The following CUL2 variants were observed in gnomAD, a reference collection of about 807,000 sequenced individuals.
CUL2 encodes cullin-2.
CUL2 carries 22 observed loss-of-function variants against 110.2 expected under a neutral mutation model. The observed-to-expected ratio is 0.20, with a 90% CI of 0.14 to 0.28. The LOEUF (loss-of-function observed/expected upper bound fraction) is 0.28. Ranked by LOEUF, CUL2 falls within the 10% of genes least tolerant of loss-of-function variation. The pLI is 1.00. For missense variants in CUL2, 631 were observed against 905.5 expected, an observed-to-expected ratio of 0.70 and a Z score of 3.89; for synonymous variants, 279 against 293.2, an observed-to-expected ratio of 0.95 and a Z score of 0.49.
At chr10:35,041,390 A>C (rs1299121118) in intron 8 of CUL2, among the ~76,000 whole-genome samples, 2 of 152,124 alleles carry the variant, frequency 1.3e-5, no homozygotes, top group East Asian at 1.9e-4. Flanking sequence ...CCCCTGGGGG[A>C]AAGAAAGGCC....
intron 17 of CUL2, among the ~76,000 whole-genome samples, chr10:35,020,498 C>T (rs2085155375): frequency 6.6e-6 from 1 of 152,198 alleles, no homozygotes; most frequent in Non-Finnish European, 1.5e-5. Context: ...TATGGTGTTA[C>T]TTTTATTCTG....
intron 6 of CUL2, among the ~76,000 whole-genome samples, chr10:35,049,223 C>T (rs374665089): frequency 1.9e-4 from 29 of 152,094 alleles, no homozygotes; most frequent in South Asian, 1.7e-3. Context: ...AACCATTTTC[C>T]CATAAATTTA....
chr10:35,093,246 A>G (rs1169864600), upstream of CUL2, among the ~76,000 whole-genome samples: 2 of 151,800 alleles, frequency 1.3e-5, no homozygotes, highest in African/African-American at 2.4e-5. Context: ...CAGTTCTCCT[A>G]TGTGACTGGC....
intron 2 of CUL2, among the ~76,000 whole-genome samples, chr10:35,070,230 G>A (rs2086644004): frequency 6.6e-6 from 1 of 152,142 alleles, no homozygotes; most frequent in Admixed American, 6.5e-5. Context: ...CTTCCAAAAT[G>A]TCATCACCCT....
At chr10:35,093,014 T>C (rs1025158370), upstream of CUL2, among the ~76,000 whole-genome samples, 3 of 152,126 alleles carry the variant, frequency 2.0e-5, no homozygotes, top group Non-Finnish European at 4.4e-5. Flanking sequence ...CTTTTTGAGA[T>C]ATTTTTCAGA....
intron 1 of CUL2, among the ~76,000 whole-genome samples, chr10:35,121,848 G>A (rs1014691724): frequency 1.3e-5 from 2 of 151,278 alleles, no homozygotes; most frequent in South Asian, 2.1e-4. Context: ...TTAGTTTAAC[G>A]ACTGCAATCT....
At chr10:35,041,663 A>G (rs2085792247) in intron 8 of CUL2, among the ~76,000 whole-genome samples, 1 of 152,118 alleles carries the variant, frequency 6.6e-6, no homozygotes, top group African/African-American at 2.4e-5. Context: ...TCAGCGTCCC[A>G]AGAGCTATGA....
intron 1 of CUL2, chr10:35,074,015 GC>G: frequency 1.4e-6 from 1 of 712,768 alleles, no homozygotes. Flanking sequence ...CCGTGCTGCG[GC>G]CGGTGCTCTA....
At chr10:35,030,822 G>GGATCGCC (rs11283661) in intron 14 of CUL2, among the ~76,000 whole-genome samples, 1 of 151,686 alleles carries the variant, frequency 6.6e-6, no homozygotes, top group Non-Finnish European at 1.5e-5. Context: ...GAGCCCAGGA[G>GGATCGCC]TTAGAGTCCA....
intron 9 of CUL2, among the ~76,000 whole-genome samples, chr10:35,035,688 CAACT>C (rs2085604152): frequency 6.6e-6 from 1 of 152,164 alleles, no homozygotes; most frequent in Admixed American, 6.5e-5. Flanking sequence ...AATTTCTTAA[CAACT>C]GATGGAAATT....
rs1046780722 is a variant in CUL2, at chr10:35,009,183, G to GATATATATATATATATATTATAT, written c.*1105_*1127dup. 8.5e-6 allele frequency: 1 copy of GATATATATATATATATATTATAT among 117,044 alleles called. No homozygotes were observed. The highest frequency in any genetic ancestry group is 3.1e-5 in the African/African-American group (1 of 32,612). 7.3% of individuals were successfully genotyped at this position (117,044 alleles called of 1,614,324 possible). On this transcript the variant is annotated 3_prime_UTR_variant, in exon 21 of 21. Coordinates refer to ENST00000374749, the MANE Select transcript of CUL2 (RefSeq NM_003591.4). ...GCAGTACTCTTAACACTGCTGTTGA[G>GATATATATATATATATATTATAT]ATATATATATATATATATTATATAT...
chr10:35,011,876 A>G lies in CUL2; in HGVS notation c.2078T>C (p.Val693Ala), dbSNP rs771239317. Residue 693 changes from valine to alanine, a missense_variant, in exon 20 of 21, where the codon GTG becomes GCG. Val to Ala is a moderately conservative substitution (Grantham distance 64, BLOSUM62 0). Transcript: ENST00000374749. ...AIVRIMKARK[V>A]LRHNALIQEV... The stretch of plus-strand genomic sequence containing the variant: ...TTGAATAAGGGCATTGTGCCGAAGC[A>G]CTTTTCGTGCTTTCATGATACGAAC... 3 of 1,613,254 alleles carry G rather than the reference A, an allele frequency of 1.9e-6. No homozygotes were observed. The African/African-American group carries it at 4.0e-5, about 22-fold the overall frequency.
chr10:35,078,726 T>C (rs1446496930), intron 1 of CUL2, among the ~76,000 whole-genome samples: 1 of 152,270 alleles, frequency 6.6e-6, no homozygotes, highest in Non-Finnish European at 1.5e-5. Flanking sequence ...GTTTTGTATT[T>C]TACTTACCTT....
intron 5 of CUL2, among the ~76,000 whole-genome samples, chr10:35,053,343 T>C (rs930085170): frequency 6.6e-6 from 1 of 152,228 alleles, no homozygotes; most frequent in Non-Finnish European, 1.5e-5. Flanking sequence ...GTATTCAACA[T>C]ATACCTATAA....
At chr10:35,097,387 G>T (rs552456036) in intron 2 of CUL2, among the ~76,000 whole-genome samples, 5 of 151,692 alleles carry the variant, frequency 3.3e-5, no homozygotes, top group Non-Finnish European at 7.4e-5. Flanking sequence ...AGCCTGGGGA[G>T]GCTGAGGTGG....
chr10:35,077,065 T>A (rs1360404520), intron 1 of CUL2, among the ~76,000 whole-genome samples: 1 of 152,166 alleles, frequency 6.6e-6, no homozygotes. Context: ...ATGTTCACTG[T>A]AGTATTATTC....
intron 1 of CUL2, among the ~76,000 whole-genome samples, chr10:35,076,982 G>A (rs1319735373): frequency 6.6e-6 from 1 of 152,106 alleles, no homozygotes; most frequent in African/African-American, 2.4e-5. Flanking sequence ...AACCCAGGAG[G>A]CGGAGCTTGC....
Position 35,071,285 on chromosome 10 carries a change from A to C in CUL2, c.33T>G (p.Asp11Glu). The C allele has an allele frequency of 6.2e-7, 1 of 1,613,864 alleles. No homozygotes were observed. Residue 11 changes from aspartate (D) to glutamate (E), a missense_variant, in exon 2 of 21, where the codon GAT (aspartate) becomes GAG (glutamate). Around this residue, in one of 3 missense-constraint regions of CUL2, gnomAD observed 338 missense variants for 442.5 expected, o/e 0.76. Transcript: ENST00000374749. ...TCGTCAAAAGTTTGTTCCATGTTTC[A>C]TCAAAATCTACTACTCTTGGTTTCA... MSLKPRVVDF[D>E]ETWNKLLTTI...
intron 1 of CUL2, among the ~76,000 whole-genome samples, chr10:35,102,776 G>T (rs950133875): frequency 6.6e-6 from 1 of 151,522 alleles, no homozygotes; most frequent in East Asian, 1.9e-4. Context: ...CCGGCTACTC[G>T]GGAGGCTGAG....
Sources: gnomAD v4.1 joint callset for allele counts (sites outside exome capture counted in the v4.1 genomes callset) on GRCh38, gnomAD v4.1.1 for gene constraint, gnomAD v4.1.1 regional missense constraint, MANE v1.5 for transcripts, NCBI Gene and HGNC (gene_info 2026-07-23, HGNC 2026-07-21) for gene names.